Variants in AHRR observed in about 807,000 individuals in gnomAD.
The protein encoded by AHRR is ahR repressor.
In AHRR, 28 loss-of-function variants were observed where a neutral mutation model predicts 44.0. The observed-to-expected ratio is 0.64, with a 90% CI of 0.47 to 0.87. AHRR has a LOEUF of 0.87. Among genes scored for constraint, AHRR ranks in the 40% least tolerant of loss-of-function variants. The pLI is 0.00. For synonymous variants in AHRR, 434 were observed against 407.0 expected (o/e 1.07, Z -0.80); for missense variants, 990 against 953.9 (o/e 1.04, Z -0.50).
At chr5:413,734 C>T (rs889160982) in intron 5 of AHRR, among the ~76,000 whole-genome samples, 2 of 152,202 alleles carry the variant, frequency 1.3e-5, no homozygotes, top group East Asian at 3.8e-4. Flanking sequence ...TCCCCTGCCC[C>T]ACCAGCACCA....
intron 4 of AHRR, among the ~76,000 whole-genome samples, chr5:377,245 C>T (rs989383825): frequency 1.6e-4 from 24 of 152,216 alleles, no homozygotes; most frequent in Middle Eastern, 3.4e-3. Context: ...TGCTGTAACG[C>T]GGGGCCTGTT....
At chr5:356,382 G>C (rs1185928495) in intron 3 of AHRR, among the ~76,000 whole-genome samples, 1 of 152,246 alleles carries the variant, frequency 6.6e-6, no homozygotes, top group East Asian at 1.9e-4. Context: ...TGTTGCTGAA[G>C]CCCAGTTGTG....
rs752972463 is a variant in AHRR, at chr5:413,404, A to ACGAT, written c.415_418dup (p.Val140AspfsTer19). 1 of 1,613,880 alleles carries ACGAT rather than the reference A, an allele frequency of 6.2e-7. No individual in the cohort carries two copies. The highest frequency in any genetic ancestry group is 1.3e-5 in the African/African-American group (1 of 74,916). On this transcript the variant is annotated frameshift_variant, in exon 5 of 11. Coordinates refer to ENST00000684583, the MANE Select transcript of AHRR (RefSeq NM_001377236.1). LOFTEE classifies it high-confidence loss of function. The stretch of plus-strand genomic sequence containing the variant: ...AGGGACGATATTTTATGCATCAGCA[A>ACGAT]CGATCGTGGACTATCTGGGCTTCCA...
rs1742199971 is a variant in AHRR, at chr5:337,932, G to C, written c.-10-5961G>C. 6.6e-6 allele frequency among the ~76,000 whole-genome samples: 1 copy of C among 152,226 alleles called. No individual in the cohort carries two copies. On this transcript the variant is annotated intron_variant, in intron 1 of 10. Coordinates refer to ENST00000684583, the MANE Select transcript of AHRR (RefSeq NM_001377236.1). The surrounding 1 kb of genome is among the most constrained non-coding windows in gnomAD (Gnocchi z 4.1). ...CTGGGCTCCTCTAGGACCGTATTCA[G>C]GCCAGTGCAACATCATGCCCTCTAT... is the stretch of plus-strand genomic sequence containing the variant.
chr5:362,813 T>G (rs1469385821), intron 3 of AHRR, among the ~76,000 whole-genome samples: 2 of 152,254 alleles, frequency 1.3e-5, no homozygotes, highest in South Asian at 4.1e-4. Context: ...TTCACTCATT[T>G]ACTCACTCAT....
chr5:421,368 C>T (rs991259228), intron 5 of AHRR: 13 of 664,278 alleles, frequency 2.0e-5, no homozygotes, highest in Middle Eastern at 2.4e-4. Context: ...ACGTGGAGTC[C>T]GCGCACAGTA....
Position 434,847 on chromosome 5 carries a change from C to A in AHRR, c.*13C>A. On this transcript the variant is annotated 3_prime_UTR_variant, in exon 11 of 11. Coordinates refer to ENST00000684583, the MANE Select transcript of AHRR (RefSeq NM_001377236.1). ...ATTCCTGCCATAGCGCAGTGACCACCATCCAAGCTCAGATCTGTGTGTCTA... is the reference window on the plus strand; with the variant it reads ...ATTCCTGCCATAGCGCAGTGACCACAATCCAAGCTCAGATCTGTGTGTCTA... 6.5e-7 allele frequency: 1 copy of A among 1,532,862 alleles called. No homozygotes were observed. The highest frequency in any genetic ancestry group is 8.8e-7 in the Non-Finnish European group (1 of 1,134,910). 95.0% of individuals were successfully genotyped at this position (1,532,862 alleles called of 1,614,324 possible).
In AHRR at chr5:344,839, CTG is replaced by C. The variant is rs1160523808; in HGVS notation, c.62+884_62+885del. 6.6e-4 allele frequency among the ~76,000 whole-genome samples: 58 copies of C among 87,396 alleles called. 2 individuals are homozygous for C. The highest frequency in any genetic ancestry group is 4.0e-3 in the African/African-American group (38 of 9,574). The allele number at this position is 87,396 out of a possible 152,430, so 57.3% of individuals were successfully genotyped here. On this transcript the variant is annotated intron_variant, in intron 2 of 10. Coordinates refer to ENST00000684583, the MANE Select transcript of AHRR (RefSeq NM_001377236.1). ...GGTGTGTGTGGGGGACTGTAGGGAG[CTG>C]TGTGTGTGGGGTGTGTGAGACTGTG...
In AHRR at chr5:405,947, C is replaced by T. The variant is rs1252959293; in HGVS notation, c.352-7397C>T. Among the ~76,000 whole-genome samples, 6 of 152,298 alleles carry T rather than the reference C, an allele frequency of 3.9e-5. No homozygotes were observed. The highest frequency in any genetic ancestry group is 1.2e-4 in the African/African-American group (5 of 41,562). On this transcript the variant is annotated intron_variant, in intron 4 of 10. Coordinates refer to ENST00000684583, the MANE Select transcript of AHRR (RefSeq NM_001377236.1). This position sits in a 1 kb window ranked among gnomAD's most constrained non-coding sequence, Gnocchi z 4.5. ...GTGTGGCAGCGTCCAGGGAAGAACA[C>T]GCAGCCTCTGGTTTGAACTGGACCC...
intron 3 of AHRR, among the ~76,000 whole-genome samples, chr5:354,952 C>T (rs1303587093): frequency 1.3e-5 from 2 of 152,222 alleles, no homozygotes; most frequent in Non-Finnish European, 2.9e-5. Context: ...CTGCCAGTGC[C>T]GGCCCCACAC....
Position 391,422 on chromosome 5 carries a change from C to T in AHRR, c.351+14706C>T, listed in dbSNP as rs536555136. ...GGGCGAGGCAGGGCCAGAGCGTGCA[C>T]GGGGGCAGGGCGAGGCGGGCGCAGG... On this transcript the variant is annotated intron_variant, in intron 4 of 10. Coordinates refer to ENST00000684583, the MANE Select transcript of AHRR (RefSeq NM_001377236.1). Among the ~76,000 whole-genome samples the T allele has an allele frequency of 7.9e-3, 648 of 82,136 alleles. 11 individuals carry two copies. The highest frequency in any genetic ancestry group is 0.025 in the Middle Eastern group (3 of 122). The allele number at this position is 82,136 out of a possible 152,430, so 53.9% of individuals were successfully genotyped here. A position where few individuals can be genotyped will look rare whatever the true frequency, so the allele number is the denominator to read the frequency against.
rs532883328 is a variant in AHRR, at chr5:367,633, C to T, written c.245-8977C>T. On this transcript the variant is annotated intron_variant, in intron 3 of 10. Coordinates refer to ENST00000684583, the MANE Select transcript of AHRR (RefSeq NM_001377236.1). ...CACCTGTAGCTTTTGAAGGCCATGC[C>T]CTCCTGCTGGGTCTCTTGTCTTCAC... 2.4e-4 allele frequency among the ~76,000 whole-genome samples: 37 copies of T among 152,296 alleles called. No homozygotes were observed. In the South Asian group the frequency reaches 7.7e-3, roughly 32 times the overall value.
At chr5:376,050 G>A (rs1733609347) in intron 3 of AHRR, among the ~76,000 whole-genome samples, 1 of 104,712 alleles carries the variant, frequency 9.6e-6, no homozygotes, top group African/African-American at 6.3e-5. Context: ...GTGGGGCCTG[G>A]CCTGCTTCTC....
chr5:414,964 G>A (rs1735655859), intron 5 of AHRR, among the ~76,000 whole-genome samples: 1 of 152,258 alleles, frequency 6.6e-6, no homozygotes, highest in Non-Finnish European at 1.5e-5. Flanking sequence ...AGTGCCCACA[G>A]GGCCCAGGCG....
In AHRR at chr5:434,941, C is replaced by T. The variant is rs1350161699; in HGVS notation, c.*107C>T. The T allele has an allele frequency of 7.1e-7, 1 of 1,401,330 alleles. No individual in the cohort carries two copies. The highest frequency in any genetic ancestry group is 1.4e-5 in the African/African-American group (1 of 69,556). The allele number at this position is 1,401,330 out of a possible 1,614,324, so 86.8% of individuals were successfully genotyped here. A position where few individuals can be genotyped will look rare whatever the true frequency, so the allele number is the denominator to read the frequency against. ...GCCGGAGCCCGTCCTAAGACACACG[C>T]TTTGCAGAGCTGTGCATGCGCAGTC... On this transcript the variant is annotated 3_prime_UTR_variant, in exon 11 of 11. Coordinates refer to ENST00000684583, the MANE Select transcript of AHRR (RefSeq NM_001377236.1).
chr5:426,425 A>T (rs1736394071), intron 7 of AHRR, among the ~76,000 whole-genome samples: 2 of 94,602 alleles, frequency 2.1e-5, no homozygotes, highest in African/African-American at 7.3e-5. Flanking sequence ...GATAGATGGG[A>T]AGATGGATGG....
chr5:350,775 TAAAA>T (rs11306149), intron 2 of AHRR, among the ~76,000 whole-genome samples: 5 of 133,486 alleles, frequency 3.7e-5, no homozygotes, highest in African/African-American at 5.6e-5. Flanking sequence ...GGTGCAACAT[TAAAA>T]AAAAAAAAAA....
At chr5:414,127 G>C (rs1361637633) in intron 5 of AHRR, among the ~76,000 whole-genome samples, 1 of 152,188 alleles carries the variant, frequency 6.6e-6, no homozygotes, top group Non-Finnish European at 1.5e-5. Flanking sequence ...GCTGGGTGTG[G>C]TGGCGTGCAC....
chr5:387,742 G>A lies in AHRR; in HGVS notation c.351+11026G>A, dbSNP rs1354117185. Among the ~76,000 whole-genome samples the A allele has an allele frequency of 1.3e-5, 2 of 152,244 alleles. No individual in the cohort carries two copies. Among genetic ancestry groups the A allele is most frequent in the African/African-American group, 4.8e-5 (2 of 41,456 alleles). On this transcript the variant is annotated intron_variant, in intron 4 of 10. Coordinates refer to ENST00000684583, the MANE Select transcript of AHRR (RefSeq NM_001377236.1). This position sits in a 1 kb window ranked among gnomAD's most constrained non-coding sequence, Gnocchi z 5.1. ...GAGTGTGATCGTGTGTCCATACGCT[G>A]TACCTGCCGGAACTTGGCGACACCA...
Sources: allele counts gnomAD v4.1 joint callset (sites outside exome capture counted in the v4.1 genomes callset), GRCh38; gene constraint gnomAD v4.1.1; non-coding constraint Gnocchi (gnomAD v3.1); transcripts MANE v1.5; gene names NCBI Gene and HGNC (gene_info 2026-07-23, HGNC 2026-07-21).